UBE2V1: variants seen among roughly 807,000 people sequenced by gnomAD.
The protein encoded by UBE2V1 is ubiquitin conjugating enzyme E2 V1, also known as ubiquitin-conjugating enzyme E2 variant 1.
In UBE2V1, 15 loss-of-function variants were observed where a neutral mutation model predicts 19.6. The observed-to-expected ratio is 0.77, with a 90% CI of 0.51 to 1.18. The LOEUF is 1.18. UBE2V1 is among the 50% of genes most tolerant of loss of function. UBE2V1 has a pLI of 0.00. For synonymous variants in UBE2V1, 60 were observed against 60.7 expected, an observed-to-expected ratio of 0.99 and a Z score of 0.05; for missense variants, 125 against 184.8, an observed-to-expected ratio of 0.68 and a Z score of 1.88.
At chr20:50,085,659 A>G (rs1600957589) in intron 2 of UBE2V1, among the ~76,000 whole-genome samples, 1 of 152,244 alleles carries the variant, frequency 6.6e-6, no homozygotes, top group African/African-American at 2.4e-5. Context: ...TTTGGGGAGA[A>G]TAAATCAGAG....
upstream of UBE2V1, chr20:50,115,842 G>A (rs2080990505): frequency 3.0e-6 from 1 of 333,542 alleles, no homozygotes; most frequent in Non-Finnish European, 5.3e-6. Flanking sequence ...TTTATCTATG[G>A]TGCCCGTAAA....
chr20:50,101,963 T>C (rs1469505077), intron 1 of UBE2V1, among the ~76,000 whole-genome samples: 1 of 152,226 alleles, frequency 6.6e-6, no homozygotes, highest in East Asian at 1.9e-4. Context: ...TGGAGCCATG[T>C]TACTACTGGA....
At chr20:50,087,289 G>A (rs1253814886) in intron 2 of UBE2V1, among the ~76,000 whole-genome samples, 3 of 151,376 alleles carry the variant, frequency 2.0e-5, no homozygotes, top group African/African-American at 7.3e-5. Flanking sequence ...CCAGCTAACC[G>A]GGGGGCTGAG....
chr20:50,104,286 A>C (rs985252533), intron 1 of UBE2V1: 71 of 980,916 alleles, frequency 7.2e-5, no homozygotes, highest in Non-Finnish European at 8.3e-5. Context: ...GTCTCAAAAA[A>C]AAAAAAAAAA....
At chr20:50,088,284 A>C (rs1329511777) in intron 2 of UBE2V1, among the ~76,000 whole-genome samples, 1 of 152,116 alleles carries the variant, frequency 6.6e-6, no homozygotes, top group Non-Finnish European at 1.5e-5. Flanking sequence ...TTCTGGAACA[A>C]AAAACAGATA....
intron 2 of UBE2V1, among the ~76,000 whole-genome samples, chr20:50,094,591 G>A (rs973194872): frequency 1.8e-4 from 27 of 151,916 alleles, no homozygotes; most frequent in African/African-American, 6.5e-4. Flanking sequence ...CTTGAACCTT[G>A]AAAAAATTAT....
intron 2 of UBE2V1, among the ~76,000 whole-genome samples, chr20:50,093,492 C>G (rs2079364790): frequency 6.6e-6 from 1 of 152,084 alleles, no homozygotes; most frequent in Non-Finnish European, 1.5e-5. Flanking sequence ...CTTGGGGAAC[C>G]AGGATAATAA....
In UBE2V1 at chr20:50,113,133, C is replaced by T. The variant is rs956716465; in HGVS notation, c.-5G>A. On this transcript the variant is annotated 5_prime_UTR_variant, in exon 1 of 4. Transcript: ENST00000371674. Reference sequence around the variant, plus strand: ...CGAGCCCGTGGTGGCTGCCATCTTGCGTCGCTCTTGCTTGAAGGCCGGCCC... The same window carrying T: ...CGAGCCCGTGGTGGCTGCCATCTTGTGTCGCTCTTGCTTGAAGGCCGGCCC... 2.2e-6 allele frequency: 3 copies of T among 1,374,216 alleles called. No individual in the cohort carries two copies. Among genetic ancestry groups the T allele is most frequent in the Non-Finnish European group, 2.9e-6 (3 of 1,050,078 alleles). 85.1% of individuals were successfully genotyped at this position (1,374,216 alleles called of 1,614,324 possible).
intron 2 of UBE2V1, among the ~76,000 whole-genome samples, chr20:50,092,987 G>GC (rs2079331997): frequency 6.6e-6 from 1 of 152,032 alleles, no homozygotes; most frequent in African/African-American, 2.4e-5. Flanking sequence ...TGCACCCAAG[G>GC]CCCCCCACTC....
Position 50,113,093 on chromosome 20 carries a change from G to A in UBE2V1, c.22+14C>T. The stretch of plus-strand genomic sequence containing the variant: ...ATGCCCCCTCGGCCGGCCGGGCCCG[G>A]CGCCCCCGCTCACCCGAGCCCGTGG... On this transcript the variant is annotated intron_variant, in intron 1 of 3. Coordinates refer to ENST00000371674, the MANE Select transcript of UBE2V1 (RefSeq NM_001032288.3). 1.6e-6 allele frequency: 2 copies of A among 1,277,670 alleles called. No homozygotes were observed. The highest frequency in any genetic ancestry group is 4.0e-5 in the South Asian group (2 of 50,592). 79.1% of individuals were successfully genotyped at this position (1,277,670 alleles called of 1,614,324 possible).
intron 1 of UBE2V1, among the ~76,000 whole-genome samples, chr20:50,100,077 G>A (rs1209847626): frequency 6.6e-6 from 1 of 151,788 alleles, no homozygotes; most frequent in African/African-American, 2.4e-5. Flanking sequence ...CAGCCTGGGC[G>A]ACAGAGTGAG....
At chr20:50,112,000 T>C (rs1394087183) in intron 1 of UBE2V1, among the ~76,000 whole-genome samples, 1 of 151,800 alleles carries the variant, frequency 6.6e-6, no homozygotes, top group African/African-American at 2.4e-5. Flanking sequence ...CACCCAAGAG[T>C]TCCCATTTCA....
At chr20:50,109,069 C>T in intron 1 of UBE2V1, 1 of 985,400 alleles carries the variant, frequency 1.0e-6, no homozygotes, top group Non-Finnish European at 1.2e-6. Flanking sequence ...TTGGCTCCTC[C>T]CTCAGTAATG....
chr20:50,089,651 C>A (rs1295071434), intron 2 of UBE2V1, among the ~76,000 whole-genome samples: 1 of 151,982 alleles, frequency 6.6e-6, no homozygotes, highest in Non-Finnish European at 1.5e-5. Flanking sequence ...TGCACAGCGA[C>A]GAGACACAAT....
chr20:50,109,473 C>T (rs2080602259), intron 1 of UBE2V1, among the ~76,000 whole-genome samples: 2 of 152,038 alleles, frequency 1.3e-5, no homozygotes, highest in South Asian at 2.1e-4. Flanking sequence ...GCTTGCAGCC[C>T]GGCACGGTGA....
At chr20:50,083,674 T>G (rs1041044264) in intron 3 of UBE2V1, 1 of 153,920 alleles carries the variant, frequency 6.5e-6, no homozygotes, top group Non-Finnish European at 1.4e-5. Context: ...TTGTAATATT[T>G]ACTGTTGCCA....
intron 2 of UBE2V1, chr20:50,095,771 A>C (rs909634691): frequency 3.9e-5 from 6 of 152,252 alleles, no homozygotes; most frequent in Non-Finnish European, 8.8e-5. Context: ...ACAGTATGGA[A>C]ATCAATTTCT....
chr20:50,101,740 C>A (rs927008466), intron 1 of UBE2V1, among the ~76,000 whole-genome samples: 1 of 152,132 alleles, frequency 6.6e-6, no homozygotes, highest in African/African-American at 2.4e-5. Flanking sequence ...ACCTATCCAG[C>A]ACTTTGCTAG....
rs149367717 is a variant in UBE2V1 at position 50,107,269 on chromosome 20, C to T, written c.22+5838G>A. ...CCCAGAATTCCTGAATCTGAAACTC[C>T]AAGGTTGGGCCTAAGAATCTGACAA... On this transcript the variant is annotated intron_variant, in intron 1 of 3. Transcript: ENST00000371674. 8.0e-3 allele frequency among the ~76,000 whole-genome samples: 1,220 copies of T among 152,270 alleles called. 20 individuals are homozygous for T. Among genetic ancestry groups the T allele is most frequent in the African/African-American group, 0.028 (1,145 of 41,538 alleles).
Sources: gnomAD v4.1 joint callset for allele counts (sites outside exome capture counted in the v4.1 genomes callset) on GRCh38, gnomAD v4.1.1 for gene constraint, MANE v1.5 for transcripts, NCBI Gene and HGNC (gene_info 2026-07-23, HGNC 2026-07-21) for gene names.